Variants in RUBCN observed in about 807,000 individuals in gnomAD.
The protein encoded by RUBCN is rubicon autophagy regulator.
A neutral mutation model predicts 113.2 loss-of-function variants in RUBCN; 74 were observed. The observed-to-expected ratio is 0.65, with a 90% CI of 0.54 to 0.79. The LOEUF is 0.79. Ranked by LOEUF, RUBCN falls within the 30% of genes least tolerant of loss-of-function variation. RUBCN has a pLI of 0.00. For missense variants in RUBCN, 1,109 were observed against 1,251.7 expected (o/e 0.89, Z 1.72); for synonymous variants, 480 against 490.0 (o/e 0.98, Z 0.27).
chr3:197,717,819 C>T (rs1196181770), intron 2 of RUBCN, among the ~76,000 whole-genome samples, 158 bp downstream of exon 2: 1 of 152,288 alleles, frequency 6.6e-6, no homozygotes, highest in African/African-American at 2.4e-5. Flanking sequence ...GTCCATCAGA[C>T]ACGATGTGAA....
At position 197,718,142 on chromosome 3, in the gene RUBCN, T is replaced by C. The variant is rs748619077; in HGVS notation, c.66-12A>G. On this transcript the variant is annotated splice_polypyrimidine_tract_variant and intron_variant, in intron 1 of 19. Coordinates refer to ENST00000296343, the MANE Select transcript of RUBCN (RefSeq NM_014687.4). The stretch of plus-strand genomic sequence containing the variant: ...GCCAGTGCTCCCTCCTGCAAGGGCA[T>C]CAGTTACACCAATCGTTAGTTACCT... 1.9e-6 allele frequency: 3 copies of C among 1,614,054 alleles called. No homozygotes were observed. The highest frequency in any genetic ancestry group is 4.5e-5 in the East Asian group (2 of 44,904).
At chr3:197,696,914 GAA>G in intron 8 of RUBCN, 38 bp downstream of exon 8, 4 of 1,120,136 alleles carry the variant, frequency 3.6e-6, no homozygotes, top group Non-Finnish European at 5.5e-6. Flanking sequence ...GGTGAGCAGA[GAA>G]AATATACAAT....
At chr3:197,715,686 GA>G (rs1372425821) in intron 2 of RUBCN, among the ~76,000 whole-genome samples, 1 of 152,190 alleles carries the variant, frequency 6.6e-6, no homozygotes, top group Non-Finnish European at 1.5e-5. Context: ...TGAAGGAGCT[GA>G]AAACTGAATC....
At chr3:197,709,321 C>T (rs1170096083) in intron 2 of RUBCN, among the ~76,000 whole-genome samples, 1 of 152,042 alleles carries the variant, frequency 6.6e-6, no homozygotes, top group African/African-American at 2.4e-5. Flanking sequence ...TCACCACCAC[C>T]ACCACCAACA....
chr3:197,730,885 CTTTTTTT>C (rs71166707), intron 1 of RUBCN, among the ~76,000 whole-genome samples: 1,159 of 50,006 alleles, frequency 0.023, 14 homozygotes, highest in Middle Eastern at 0.11. Flanking sequence ...TTAAAAGCAT[CTTTTTTT>C]TTTTTTTTTT....
At chr3:197,676,750 T>A in intron 18 of RUBCN, 135 bp downstream of exon 18, 2 of 1,550,256 alleles carry the variant, frequency 1.3e-6, no homozygotes, top group South Asian at 2.4e-5. Flanking sequence ...ACAGCAGCCC[T>A]TTCCAGTTCC....
At chr3:197,738,750 TG>T (rs953973233), upstream of RUBCN, among the ~76,000 whole-genome samples, 5 of 148,858 alleles carry the variant, frequency 3.4e-5, no homozygotes, top group Non-Finnish European at 5.9e-5. Context: ...CCAGCTAATT[TG>T]TTTTTTTTTT....
In RUBCN at chr3:197,674,953, C is replaced by A; in HGVS notation, c.*65G>T. 2.2e-6 allele frequency: 3 copies of A among 1,362,972 alleles called. No homozygotes were observed. Among genetic ancestry groups the A allele is most frequent in the South Asian group, 1.2e-5 (1 of 82,640 alleles). 84.4% of individuals were successfully genotyped at this position (1,362,972 alleles called of 1,614,324 possible). On this transcript the variant is annotated 3_prime_UTR_variant, in exon 20 of 20. Coordinates refer to ENST00000296343, the MANE Select transcript of RUBCN (RefSeq NM_014687.4). ...GAAGCCCCAGGTGGGGCGAGTCCTT[C>A]AAAGAGTGGCTCAGTTCTGCAACAG... is the stretch of plus-strand genomic sequence containing the variant.
intron 1 of RUBCN, among the ~76,000 whole-genome samples, chr3:197,735,803 G>C (rs1368995817): frequency 2.6e-5 from 4 of 152,016 alleles, no homozygotes; most frequent in African/African-American, 9.7e-5. Flanking sequence ...GGTTACCCAG[G>C]CTGGTCTCAA....
upstream of RUBCN, chr3:197,749,773 G>T: frequency 1.8e-6 from 1 of 557,826 alleles, no homozygotes. Flanking sequence ...GCCGCTAGGA[G>T]CGAGTCACGG....
rs1030178621 is a variant in RUBCN at position 197,687,806 on chromosome 3, G to A, written c.1787-3589C>T. The stretch of plus-strand genomic sequence containing the variant: ...CCCTCCCTCAGCACCCCAGAGAACA[G>A]TTTCCTGGTGACAGCTGCTGGCATG... On this transcript the variant is annotated intron_variant, in intron 11 of 19. Coordinates refer to ENST00000296343, the MANE Select transcript of RUBCN (RefSeq NM_014687.4). Among the ~76,000 whole-genome samples the A allele has an allele frequency of 2.0e-5, 3 of 152,170 alleles. No individual in the cohort carries two copies. The East Asian group carries it at 5.8e-4, about 29-fold the overall frequency.
intron 11 of RUBCN, among the ~76,000 whole-genome samples, chr3:197,684,557 C>T (rs1265249817): frequency 6.6e-6 from 1 of 151,984 alleles, no homozygotes; most frequent in Non-Finnish European, 1.5e-5. Context: ...TGCACAAACA[C>T]AAAACAAAGG....
At chr3:197,698,781 C>T (rs1020981459) in intron 7 of RUBCN, among the ~76,000 whole-genome samples, 3 of 144,566 alleles carry the variant, frequency 2.1e-5, no homozygotes, top group Non-Finnish European at 3.0e-5. Flanking sequence ...TCACTTGAAG[C>T]CAGGAGTTCA....
chr3:197,720,114 T>G (rs963390404), intron 1 of RUBCN, among the ~76,000 whole-genome samples: 1 of 152,120 alleles, frequency 6.6e-6, no homozygotes, highest in African/African-American at 2.4e-5. Flanking sequence ...CACCAGAACG[T>G]ACTCCTCCTG....
chr3:197,717,867 T>A, intron 2 of RUBCN, 110 bp downstream of exon 2: 1 of 1,154,670 alleles, frequency 8.7e-7, no homozygotes, highest in Non-Finnish European at 1.3e-6. Flanking sequence ...AAGTCACAGC[T>A]GCTCTCAGGA....
At position 197,682,488 on chromosome 3, in the gene RUBCN, T is replaced by C. The variant is rs1560408908; in HGVS notation, c.2108A>G (p.Asn703Ser). ...CACTCACGTTGGGGCTGGATGAACATTAAAAATTATCTGAGGCCGGGGCGG... is the reference window on the plus strand; with the variant it reads ...CACTCACGTTGGGGCTGGATGAACACTAAAAATTATCTGAGGCCGGGGCGG... ...WAPPRPQIIF[N>S]VHPAPTRKIA... Residue 703 changes from asparagine (N) to serine (S), a missense_variant, in exon 14 of 20, where the codon AAT becomes AGT. By Grantham distance (46) the Asn-to-Ser change is conservative. Transcript: ENST00000296343. 2 of 1,614,012 alleles carry C rather than the reference T, an allele frequency of 1.2e-6. No individual in the cohort carries two copies. The highest frequency in any genetic ancestry group is 1.3e-5 in the African/African-American group (1 of 74,914).
chr3:197,702,721 T>A (rs1275249052), intron 5 of RUBCN, among the ~76,000 whole-genome samples: 3 of 152,106 alleles, frequency 2.0e-5, no homozygotes, highest in African/African-American at 7.2e-5. Context: ...AGATAGGGGA[T>A]CTGCTTCTCT....
chr3:197,700,579 A>C, intron 7 of RUBCN, 34 bp downstream of exon 7: 1 of 1,612,336 alleles, frequency 6.2e-7, no homozygotes, highest in Non-Finnish European at 8.5e-7. Context: ...ATTCAGGGTC[A>C]TCTTGCTAAC....
At position 197,675,361 on chromosome 3, in the gene RUBCN, C is replaced by A. The variant is rs1173942594; in HGVS notation, c.2740+61G>T. Reference sequence around the variant, plus strand: ...CGAACTCTTGCTAACAGGGGTGGCTCTGGGGAATCAAGGAGCCCTGTGTTC... The same window carrying A: ...CGAACTCTTGCTAACAGGGGTGGCTATGGGGAATCAAGGAGCCCTGTGTTC... On this transcript the variant is annotated intron_variant, in intron 19 of 19. Transcript: ENST00000296343. The surrounding 1 kb of genome is among the most constrained non-coding windows in gnomAD (Gnocchi z 4.4). 1 of 1,543,080 alleles carries A rather than the reference C, an allele frequency of 6.5e-7. No homozygotes were observed. Among genetic ancestry groups the A allele is most frequent in the Non-Finnish European group, 8.9e-7 (1 of 1,117,448 alleles).
Sources: allele counts gnomAD v4.1 joint callset (sites outside exome capture counted in the v4.1 genomes callset), GRCh38; gene constraint gnomAD v4.1.1; non-coding constraint Gnocchi (gnomAD v3.1); transcripts MANE v1.5; gene names NCBI Gene and HGNC (gene_info 2026-07-23, HGNC 2026-07-21).